The following PNPLA8 variants were observed in gnomAD, a reference collection of about 807,000 sequenced individuals.
PNPLA8 encodes calcium-independent phospholipase A2-gamma.
Under a neutral mutation model 76.9 loss-of-function variants are expected in PNPLA8, and 39 were observed. The ratio of observed to expected loss-of-function variants is 0.51; its 90% CI spans 0.39 to 0.66. The LOEUF (loss-of-function observed/expected upper bound fraction) is 0.66, where lower values mean the gene tolerates loss of function less well. PNPLA8 is among the 30% of genes least tolerant of loss of function. PNPLA8 has a pLI of 0.00. For missense variants in PNPLA8, 887 were observed against 918.0 expected, an observed-to-expected ratio of 0.97 and a Z score of 0.44; for synonymous variants, 301 against 307.9, an observed-to-expected ratio of 0.98 and a Z score of 0.24.
At chr7:108,525,023 T>A (rs1483395811) in intron 1 of PNPLA8, among the ~76,000 whole-genome samples, 2 of 152,200 alleles carry the variant, frequency 1.3e-5, no homozygotes, top group Non-Finnish European at 2.9e-5. Flanking sequence ...GCCCTTTCAT[T>A]CAACATCACT....
chr7:108,472,935 G>C (rs555696732), intron 10 of PNPLA8, among the ~76,000 whole-genome samples: 1 of 152,096 alleles, frequency 6.6e-6, no homozygotes, highest in Non-Finnish European at 1.5e-5. Flanking sequence ...TGGTCATACT[G>C]TTCACCACTG....
rs776116486 is a variant in PNPLA8, at chr7:108,487,856, A to G, written c.1781T>C (p.Leu594Ser). 13 of 1,613,432 alleles carry G rather than the reference A, an allele frequency of 8.1e-6. No individual in the cohort carries two copies. The South Asian group carries it at 1.4e-4, about 18-fold the overall frequency. ...GHFPGINSHY[L>S]GGCQYKMWQA... is the part of the protein sequence containing the mutation. The stretch of plus-strand genomic sequence containing the variant: ...CCACATTTTATACTGACAGCCTCCC[A>G]AATAATGAGAGTTGATTCCAGGAAA... Residue 594 changes from leucine to serine, a missense_variant, in exon 9 of 11, where the codon TTG (leucine) becomes TCG (serine). Physicochemically the swap from Leu to Ser is moderately radical, Grantham distance 145. Coordinates refer to ENST00000257694, the MANE Select transcript of PNPLA8 (RefSeq NM_001256007.3).
In PNPLA8 at chr7:108,515,178, T is replaced by G; in HGVS notation, c.314A>C (p.Lys105Thr). 2 of 1,606,828 alleles carry G rather than the reference T, an allele frequency of 1.2e-6. No homozygotes were observed. Among genetic ancestry groups the G allele is most frequent in the Non-Finnish European group, 1.7e-6 (2 of 1,175,318 alleles). The change falls in exon 3 of 11, where the codon AAA becomes ACA. Residue 105 changes from lysine to threonine, a missense_variant. Lys to Thr is a moderately conservative substitution (Grantham distance 78). Coordinates refer to ENST00000257694, the MANE Select transcript of PNPLA8 (RefSeq NM_001256007.3). ...CTTTGAAACAGAGTTCAAAGTACTT[T>G]TAATACGGGACATACAAATGTTCAC... ...TKVNICMSRI[K>T]STLNSVSKAV...
At position 108,479,273 on chromosome 7, in the gene PNPLA8, C is replaced by T. The variant is rs773861478; in HGVS notation, c.1985G>A (p.Arg662His). The part of the protein sequence containing the change: ...LECIVSLGTG[R>H]YESDVRNTVT... ...CGTGTTTCTCACATCACTCTCATAA[C>T]GTCCAGTGCCCAGGGATACTATGCA... Residue 662 changes from arginine (R) to histidine (H), a missense_variant, in exon 10 of 11, where the codon CGT (arginine) becomes CAT (histidine). Coordinates refer to ENST00000257694, the MANE Select transcript of PNPLA8 (RefSeq NM_001256007.3). 5.4e-5 allele frequency: 87 copies of T among 1,612,466 alleles called. No homozygotes were observed. The highest frequency in any genetic ancestry group is 6.7e-5 in the Non-Finnish European group (79 of 1,178,588).
chr7:108,518,709 A>G (rs1028167109), intron 2 of PNPLA8, among the ~76,000 whole-genome samples: 1 of 134,304 alleles, frequency 7.4e-6, no homozygotes, highest in African/African-American at 2.9e-5. Flanking sequence ...TATATAAGCT[A>G]TATGCACATG....
At chr7:108,482,121 C>A (rs986028919) in intron 9 of PNPLA8, among the ~76,000 whole-genome samples, 1 of 152,048 alleles carries the variant, frequency 6.6e-6, no homozygotes, top group Non-Finnish European at 1.5e-5. Flanking sequence ...ACTACTGTAC[C>A]TTTAGAGTAA....
At chr7:108,500,666 T>C (rs965430405) in intron 5 of PNPLA8, among the ~76,000 whole-genome samples, 1 of 152,180 alleles carries the variant, frequency 6.6e-6, no homozygotes, top group Non-Finnish European at 1.5e-5. Flanking sequence ...TCCCAGCACT[T>C]TGGGAGGCCA....
At chr7:108,507,531 G>A (rs1862548218) in intron 4 of PNPLA8, among the ~76,000 whole-genome samples, 1 of 151,888 alleles carries the variant, frequency 6.6e-6, no homozygotes, top group African/African-American at 2.4e-5. Context: ...GTGCATGCCT[G>A]TGGTCCCAGG....
intron 7 of PNPLA8, among the ~76,000 whole-genome samples, chr7:108,493,128 T>C (rs1240797754): frequency 6.6e-6 from 1 of 152,026 alleles, no homozygotes; most frequent in African/African-American, 2.4e-5. Context: ...GCCACTAAGT[T>C]TTGGAGTGGC....
Position 108,479,514 on chromosome 7 carries a change from C to CA in PNPLA8, c.1879-136dup, listed in dbSNP as rs540568698. On this transcript the variant is annotated intron_variant, in intron 9 of 10. Coordinates refer to ENST00000257694, the MANE Select transcript of PNPLA8 (RefSeq NM_001256007.3). ...GCATTTCTTTTATAGACTACAGCTG[C>CA]AAAAAAATCCATGCGAAGACTCATT... The CA allele has an allele frequency of 5.9e-4, 370 of 627,182 alleles. 3 individuals carry two copies. In the South Asian group the frequency reaches 6.6e-3, roughly 11 times the overall value. The allele number at this position is 627,182 out of a possible 1,614,324, so 38.9% of individuals were successfully genotyped here. A position where few individuals can be genotyped will look rare whatever the true frequency, so the allele number is the denominator to read the frequency against.
chr7:108,513,955 A>T (rs1863114093), intron 4 of PNPLA8, among the ~76,000 whole-genome samples, 189 bp downstream of exon 4: 1 of 152,204 alleles, frequency 6.6e-6, no homozygotes, highest in African/African-American at 2.4e-5. Flanking sequence ...GGTGCTAACA[A>T]AATAAAATGA....
At chr7:108,512,589 A>C (rs1268592508) in intron 4 of PNPLA8, among the ~76,000 whole-genome samples, 1 of 152,212 alleles carries the variant, frequency 6.6e-6, no homozygotes, top group Non-Finnish European at 1.5e-5. Flanking sequence ...AAATTGATAC[A>C]GATGTTTTAT....
chr7:108,518,513 C>T (rs971643571), intron 2 of PNPLA8, among the ~76,000 whole-genome samples: 4 of 151,792 alleles, frequency 2.6e-5, no homozygotes, highest in Non-Finnish European at 5.9e-5. Flanking sequence ...TGGGGGACTG[C>T]GTGTGAATGC....
At chr7:108,510,531 T>A in intron 4 of PNPLA8, 1 of 1,382,496 alleles carries the variant, frequency 7.2e-7, no homozygotes, top group Non-Finnish European at 1.0e-6. Flanking sequence ...ATCAGTGGCG[T>A]GAGCCCAAAG....
At chr7:108,504,589 T>C (rs1379362040) in intron 4 of PNPLA8, among the ~76,000 whole-genome samples, 1 of 152,220 alleles carries the variant, frequency 6.6e-6, no homozygotes, top group Non-Finnish European at 1.5e-5. Flanking sequence ...ACCATGTTTT[T>C]CTCTTTTAAA....
chr7:108,494,011 A>G (rs188081862), intron 7 of PNPLA8, among the ~76,000 whole-genome samples: 2 of 152,244 alleles, frequency 1.3e-5, no homozygotes, highest in Admixed American at 1.3e-4. Flanking sequence ...TATGATAAAG[A>G]TGATGTTTCA....
chr7:108,474,429 A>C (rs1021933669), intron 10 of PNPLA8, among the ~76,000 whole-genome samples: 32 of 152,184 alleles, frequency 2.1e-4, no homozygotes, highest in African/African-American at 7.7e-4. Flanking sequence ...ATGTAGATTA[A>C]AAAGGAAGTA....
At chr7:108,502,713 C>A in intron 4 of PNPLA8, 71 bp from the exon 5 acceptor site, 3 of 1,079,786 alleles carry the variant, frequency 2.8e-6, no homozygotes, top group Non-Finnish European at 4.1e-6. Context: ...TATTATTAAC[C>A]AATACATGCA....
At chr7:108,493,594 G>C (rs895220637) in intron 7 of PNPLA8, among the ~76,000 whole-genome samples, 5 of 51,884 alleles carry the variant, frequency 9.6e-5, no homozygotes, top group African/African-American at 3.6e-4. Context: ...TTTTTTTTTT[G>C]TATTTTTAGT....
Sources: allele counts gnomAD v4.1 joint callset (sites outside exome capture counted in the v4.1 genomes callset), GRCh38; gene constraint gnomAD v4.1.1; transcripts MANE v1.5; gene names NCBI Gene and HGNC (gene_info 2026-07-23, HGNC 2026-07-21).